GRB14: variants seen among roughly 807,000 people sequenced by gnomAD.
The protein encoded by GRB14 is growth factor receptor bound protein 14.
GRB14 carries 38 observed loss-of-function variants against 69.1 expected under a neutral mutation model. The ratio of observed to expected loss-of-function variants is 0.55; its 90% CI spans 0.42 to 0.72. The LOEUF is 0.72. Ranked by LOEUF, GRB14 falls within the 30% of genes least tolerant of loss-of-function variation. The pLI is 0.00. For missense variants in GRB14, 666 were observed against 666.1 expected, an observed-to-expected ratio of 1.00 and a Z score of 0.00; for synonymous variants, 247 against 241.3, an observed-to-expected ratio of 1.02 and a Z score of -0.22.
intron 3 of GRB14, among the ~76,000 whole-genome samples, chr2:164,543,737 C>T (rs1296252689): frequency 1.3e-5 from 2 of 152,278 alleles, no homozygotes; most frequent in African/African-American, 4.8e-5. Flanking sequence ...TCTTTCCATT[C>T]ATTTAAATAT....
intron 6 of GRB14, among the ~76,000 whole-genome samples, chr2:164,514,445 G>C (rs1449889251): frequency 6.6e-6 from 1 of 152,138 alleles, no homozygotes; most frequent in Non-Finnish European, 1.5e-5. Flanking sequence ...GAACCTGAAG[G>C]TCCAGATCAC....
intron 2 of GRB14, among the ~76,000 whole-genome samples, chr2:164,557,001 T>C (rs1161516330): frequency 3.9e-5 from 6 of 152,150 alleles, no homozygotes; most frequent in Non-Finnish European, 2.9e-5. Flanking sequence ...AAAAGACACA[T>C]GTGAACCAAA....
intron 5 of GRB14, among the ~76,000 whole-genome samples, chr2:164,524,314 A>C (rs1687713456): frequency 6.6e-6 from 1 of 152,100 alleles, no homozygotes; most frequent in Non-Finnish European, 1.5e-5. Flanking sequence ...TCTGATGTAA[A>C]ATCTACAAAT....
chr2:164,553,862 G>A (rs1223766839), intron 2 of GRB14, among the ~76,000 whole-genome samples: 1 of 152,102 alleles, frequency 6.6e-6, no homozygotes, highest in Non-Finnish European at 1.5e-5. Flanking sequence ...GCTGAGGCAG[G>A]AGAATCGCTT....
At chr2:164,544,857 C>T (rs1197034042) in intron 3 of GRB14, among the ~76,000 whole-genome samples, 7 of 152,190 alleles carry the variant, frequency 4.6e-5, no homozygotes, top group African/African-American at 1.7e-4. Context: ...ATCAGAAGTA[C>T]AAACATTTTC....
At position 164,560,253 on chromosome 2, in the gene GRB14, G is replaced by T. The variant is rs535560743; in HGVS notation, c.325-12437C>A. The stretch of plus-strand genomic sequence containing the variant: ...ATAAATAAACACTAGAACATAATTA[G>T]ATGTATACATACATATATCCCAAAG... On this transcript the variant is annotated intron_variant, in intron 2 of 13. Transcript: ENST00000263915. Among the ~76,000 whole-genome samples the T allele has an allele frequency of 6.6e-5, 10 of 152,296 alleles. No individual in the cohort carries two copies. In the East Asian group the frequency reaches 1.9e-3, roughly 29 times the overall value.
At chr2:164,517,127 G>A (rs1468188650) in intron 6 of GRB14, among the ~76,000 whole-genome samples, 1 of 152,128 alleles carries the variant, frequency 6.6e-6, no homozygotes, top group African/African-American at 2.4e-5. Flanking sequence ...CTTCATGGCT[G>A]GGGAGGCCTC....
chr2:164,528,806 A>AACT (rs1261059807), intron 3 of GRB14, among the ~76,000 whole-genome samples: 1 of 152,148 alleles, frequency 6.6e-6, no homozygotes. Context: ...CTCCTGTCCT[A>AACT]ACTACTATAC....
At chr2:164,579,995 T>C (rs1689355634) in intron 2 of GRB14, among the ~76,000 whole-genome samples, 1 of 152,112 alleles carries the variant, frequency 6.6e-6, no homozygotes, top group Non-Finnish European at 1.5e-5. Flanking sequence ...CTTAATAGAG[T>C]GCCATGAGCT....
Position 164,616,324 on chromosome 2 carries a change from G to A in GRB14, c.324+3363C>T, listed in dbSNP as rs573585221. 6.6e-5 allele frequency among the ~76,000 whole-genome samples: 10 copies of A among 151,542 alleles called. No homozygotes were observed. In the South Asian group the frequency reaches 2.1e-3, roughly 32 times the overall value. On this transcript the variant is annotated intron_variant, in intron 2 of 13. Coordinates refer to ENST00000263915, the MANE Select transcript of GRB14 (RefSeq NM_004490.3). ...ACCTCTAGTCCCAGCTACTCGGGAG[G>A]CTGAGGCAGGAGAATGGCATGAACC...
intron 2 of GRB14, among the ~76,000 whole-genome samples, chr2:164,582,263 A>C (rs1339978349): frequency 6.6e-6 from 1 of 152,124 alleles, no homozygotes; most frequent in East Asian, 1.9e-4. Flanking sequence ...ATATACATCA[A>C]GTTGCATAAA....
chr2:164,587,511 T>A (rs1689566598), intron 2 of GRB14, among the ~76,000 whole-genome samples: 2 of 152,194 alleles, frequency 1.3e-5, no homozygotes, highest in African/African-American at 4.8e-5. Context: ...AACCCCCATG[T>A]CTCTACAGTC....
chr2:164,526,077 A>T (rs915459413), intron 4 of GRB14, among the ~76,000 whole-genome samples: 11 of 152,252 alleles, frequency 7.2e-5, no homozygotes, highest in South Asian at 6.2e-4. Context: ...CAACAAAAAG[A>T]AACACTTTCT....
intron 3 of GRB14, among the ~76,000 whole-genome samples, chr2:164,540,725 A>G (rs777198438): frequency 3.3e-5 from 5 of 152,166 alleles, no homozygotes; most frequent in Non-Finnish European, 7.3e-5. Flanking sequence ...AACAAATATT[A>G]GGCCTTGTTT....
intron 2 of GRB14, among the ~76,000 whole-genome samples, chr2:164,566,703 T>C (rs1365518545): frequency 6.6e-6 from 1 of 152,078 alleles, no homozygotes; most frequent in Non-Finnish European, 1.5e-5. Flanking sequence ...CAGCATTCTT[T>C]CCTAATGTTT....
intron 2 of GRB14, among the ~76,000 whole-genome samples, chr2:164,557,739 T>A (rs941113104): frequency 3.3e-5 from 5 of 152,138 alleles, no homozygotes; most frequent in African/African-American, 1.2e-4. Context: ...AGATGGATCA[T>A]CTCCACACCA....
chr2:164,572,890 C>T (rs1304933066), intron 2 of GRB14, among the ~76,000 whole-genome samples: 1 of 152,192 alleles, frequency 6.6e-6, no homozygotes, highest in African/African-American at 2.4e-5. Context: ...AATCTCCTGC[C>T]TCACACAAAA....
intron 2 of GRB14, among the ~76,000 whole-genome samples, chr2:164,596,649 G>A (rs994157902): frequency 1.3e-5 from 2 of 152,134 alleles, no homozygotes; most frequent in African/African-American, 4.8e-5. Context: ...AAATAGTTTA[G>A]AATGGCTACA....
rs575744719 is a variant in GRB14 at position 164,560,080 on chromosome 2, A to G, written c.325-12264T>C. 2.0e-3 allele frequency among the ~76,000 whole-genome samples: 312 copies of G among 152,296 alleles called. 2 individuals are homozygous for G. Among genetic ancestry groups the G allele is most frequent in the Non-Finnish European group, 2.4e-3 (161 of 68,038 alleles). ...TGAAGCTGGAGTCTTGACCTGCTCA[A>G]GGACCTCCAAATGGTCACCAGCTGA... On this transcript the variant is annotated intron_variant, in intron 2 of 13. Transcript: ENST00000263915.
Sources: gnomAD v4.1 joint callset for allele counts (sites outside exome capture counted in the v4.1 genomes callset) on GRCh38, gnomAD v4.1.1 for gene constraint, MANE v1.5 for transcripts, NCBI Gene and HGNC (gene_info 2026-07-23, HGNC 2026-07-21) for gene names.